The following GALNT7 variants were observed in gnomAD, a reference collection of about 807,000 sequenced individuals.
GALNT7 encodes the protein polypeptide N-acetylgalactosaminyltransferase 7.
GALNT7 carries 60 observed loss-of-function variants against 82.1 expected under a neutral mutation model. The ratio of observed to expected loss-of-function variants is 0.73; its 90% confidence interval spans 0.59 to 0.91. GALNT7 has a LOEUF of 0.91. Among genes scored for constraint, GALNT7 ranks in the 40% least tolerant of loss-of-function variants. The pLI is 0.00. For missense variants in GALNT7, 660 were observed against 804.2 expected (o/e 0.82, Z 2.17); for synonymous variants, 243 against 275.1 (o/e 0.88, Z 1.15).
intron 1 of GALNT7, among the ~76,000 whole-genome samples, chr4:173,192,948 T>C (rs1455874950): frequency 1.3e-5 from 2 of 152,014 alleles, no homozygotes; most frequent in South Asian, 4.1e-4. Context: ...CGGCACAGAG[T>C]TGGTTGGTAG....
intron 1 of GALNT7, chr4:173,169,399 G>C (rs1378373340): frequency 6.6e-6 from 1 of 151,454 alleles, no homozygotes; most frequent in East Asian, 2.0e-4. Context: ...GTGCAGGCCT[G>C]AAGGAGGCGA....
chr4:173,295,541 A>G lies in GALNT7; in HGVS notation c.885+15A>G. Reference sequence around the variant, plus strand: ...AACTTGGACAGGTAGGAAGCATTTGATATCTACAATGTCAACATTTTGGGT... The same window carrying G: ...AACTTGGACAGGTAGGAAGCATTTGGTATCTACAATGTCAACATTTTGGGT... On this transcript the variant is annotated intron_variant, in intron 4 of 11. Coordinates refer to ENST00000265000, the MANE Select transcript of GALNT7 (RefSeq NM_017423.3). 1 of 1,610,080 alleles carries G rather than the reference A, an allele frequency of 6.2e-7. No individual in the cohort carries two copies. The highest frequency in any genetic ancestry group is 8.5e-7 in the Non-Finnish European group (1 of 1,177,244).
chr4:173,189,196 T>A (rs907737075), intron 1 of GALNT7, among the ~76,000 whole-genome samples: 1 of 152,218 alleles, frequency 6.6e-6, no homozygotes, highest in Non-Finnish European at 1.5e-5. Flanking sequence ...AGATTTCTGT[T>A]TACAGTGTAT....
At chr4:173,215,087 T>C (rs1212914225) in intron 1 of GALNT7, among the ~76,000 whole-genome samples, 2 of 152,214 alleles carry the variant, frequency 1.3e-5, no homozygotes, top group East Asian at 3.8e-4. Flanking sequence ...GCAAATGCTA[T>C]GACTTTTATC....
At chr4:173,290,651 C>A (rs1736498061) in intron 2 of GALNT7, among the ~76,000 whole-genome samples, 1 of 152,152 alleles carries the variant, frequency 6.6e-6, no homozygotes, top group Non-Finnish European at 1.5e-5. Flanking sequence ...TCGTAAACTT[C>A]TATGTTGTTT....
intron 2 of GALNT7, among the ~76,000 whole-genome samples, chr4:173,277,196 A>G (rs1202483578): frequency 2.6e-5 from 4 of 152,226 alleles, no homozygotes; most frequent in Non-Finnish European, 4.4e-5. Flanking sequence ...TTAACCTTAA[A>G]CAAAAAAATG....
intron 1 of GALNT7, among the ~76,000 whole-genome samples, chr4:173,188,713 GGTATCATC>G (rs1323304968): frequency 1.3e-5 from 2 of 152,148 alleles, no homozygotes; most frequent in East Asian, 3.9e-4. Context: ...TGTGCAGCAT[GGTATCATC>G]CAGCTGTGTA....
At position 173,237,143 on chromosome 4, in the gene GALNT7, T is replaced by C. The variant is rs560365497; in HGVS notation, c.127-10837T>C. Among the ~76,000 whole-genome samples, 16 of 152,358 alleles carry C rather than the reference T, an allele frequency of 1.1e-4. No homozygotes were observed. In the South Asian group the frequency reaches 3.3e-3, roughly 32 times the overall value. On this transcript the variant is annotated intron_variant, in intron 1 of 11. Transcript: ENST00000265000. ...GTGCCATGGTAATAAAATGTTGTTC[T>C]AGGCTTTAAAATGATACATCTGCCC...
Position 173,313,940 on chromosome 4 carries a change from TA to T in GALNT7, c.1390-17del, listed in dbSNP as rs375975042. 2.2e-3 allele frequency: 2,417 copies of T among 1,079,214 alleles called. 1 individual carries two copies. Among genetic ancestry groups the T allele is most frequent in the South Asian group, 4.8e-3 (317 of 66,264 alleles). 66.9% of individuals were successfully genotyped at this position (1,079,214 alleles called of 1,614,324 possible). ...GTATTTTTATAACGATATATATATA[TA>T]TATTTTTTTTTTACAGAATTATGTT... is the stretch of plus-strand genomic sequence containing the variant. On this transcript the variant is annotated splice_polypyrimidine_tract_variant and intron_variant, in intron 8 of 11. Transcript: ENST00000265000.
chr4:173,248,069 G>A lies in GALNT7; in HGVS notation c.216G>A (p.Trp72Ter). 1 of 1,613,564 alleles carries A rather than the reference G, an allele frequency of 6.2e-7. No homozygotes were observed. Among genetic ancestry groups the A allele is most frequent in the Non-Finnish European group, 8.5e-7 (1 of 1,179,622 alleles). ...ACAGATTCAAACCTGTGGTACCATGGCCTCATGTTGAAGGAGTAGAAGTGG... is the reference window on the plus strand; with the variant it reads ...ACAGATTCAAACCTGTGGTACCATGACCTCATGTTGAAGGAGTAGAAGTGG... ...GEDRFKPVVP[W>*]PHVEGVEVDL... The change falls in exon 2 of 12, where the codon TGG (tryptophan) becomes TGA (stop). Residue 72 changes from tryptophan (W) to a stop codon, truncating the protein, a stop_gained. Transcript: ENST00000265000. LOFTEE classifies it high-confidence loss of function.
At chr4:173,182,029 C>T (rs2126628829) in intron 1 of GALNT7, among the ~76,000 whole-genome samples, 1 of 152,300 alleles carries the variant, frequency 6.6e-6, no homozygotes, top group African/African-American at 2.4e-5. Context: ...TCCTTGACCA[C>T]CGCTCTGTTA....
rs1345097305 is a variant in GALNT7 at position 173,302,609 on chromosome 4, C to T, written c.1266+445C>T. ...TCAGGCTGACTTTGGCGCTGTCTTC[C>T]TGCAGCATCCACCCTGTTGTTGAAG... On this transcript the variant is annotated intron_variant, in intron 7 of 11. Transcript: ENST00000265000. This position sits in a 1 kb window ranked among gnomAD's most constrained non-coding sequence, Gnocchi z 4.2. 6.6e-6 allele frequency among the ~76,000 whole-genome samples: 1 copy of T among 152,210 alleles called. No homozygotes were observed.
At chr4:173,219,471 T>C (rs950825698) in intron 1 of GALNT7, among the ~76,000 whole-genome samples, 5 of 152,120 alleles carry the variant, frequency 3.3e-5, no homozygotes, top group Admixed American at 1.3e-4. Context: ...CAGGTATCTT[T>C]TTCTATAATG....
At chr4:173,285,316 T>C (rs1474593357) in intron 2 of GALNT7, among the ~76,000 whole-genome samples, 1 of 152,220 alleles carries the variant, frequency 6.6e-6, no homozygotes, top group Non-Finnish European at 1.5e-5. Context: ...GGTAAGTTGT[T>C]TTAATTATGT....
At chr4:173,193,896 TG>T (rs1394948218) in intron 1 of GALNT7, among the ~76,000 whole-genome samples, 1 of 152,214 alleles carries the variant, frequency 6.6e-6, no homozygotes, top group Non-Finnish European at 1.5e-5. Context: ...CAAAAACTAT[TG>T]TTTTTTTTAA....
chr4:173,238,580 G>A (rs1579942821), intron 1 of GALNT7, among the ~76,000 whole-genome samples: 1 of 152,040 alleles, frequency 6.6e-6, no homozygotes, highest in African/African-American at 2.4e-5. Context: ...GACAAATGCA[G>A]TTTTATCACC....
At chr4:173,300,561 G>A (rs1209510108) in intron 6 of GALNT7, among the ~76,000 whole-genome samples, 1 of 151,792 alleles carries the variant, frequency 6.6e-6, no homozygotes, top group Admixed American at 6.6e-5. Context: ...CATGAATGAA[G>A]GCCTTAAGAC....
intron 2 of GALNT7, among the ~76,000 whole-genome samples, chr4:173,290,821 A>G (rs898767043): frequency 2.6e-5 from 4 of 152,212 alleles, no homozygotes; most frequent in Non-Finnish European, 5.9e-5. Flanking sequence ...AGATGGAAAC[A>G]TTATACAACA....
In GALNT7 at chr4:173,188,108, G is replaced by A. The variant is rs112084945; in HGVS notation, c.126+19147G>A. ...ACCCATGTGGGGAGCCAAAATTCTA[G>A]TCTGAAAATTGAGCATCAAATACTA... On this transcript the variant is annotated intron_variant, in intron 1 of 11. Transcript: ENST00000265000. Among the ~76,000 whole-genome samples the A allele has an allele frequency of 2.4e-3, 373 of 152,310 alleles. 2 individuals are homozygous for A. The highest frequency in any genetic ancestry group is 8.4e-3 in the African/African-American group (348 of 41,572).
Sources: allele counts gnomAD v4.1 joint callset (sites outside exome capture counted in the v4.1 genomes callset), GRCh38; gene constraint gnomAD v4.1.1; non-coding constraint Gnocchi (gnomAD v3.1); transcripts MANE v1.5; gene names NCBI Gene and HGNC (gene_info 2026-07-23, HGNC 2026-07-21).